Variants in SLC2A2 observed in about 807,000 individuals in gnomAD.
SLC2A2 encodes the protein solute carrier family 2, facilitated glucose transporter member 2.
A neutral mutation model predicts 54.5 loss-of-function variants in SLC2A2; 36 were observed. The observed-to-expected ratio is 0.66, with a 90% CI of 0.51 to 0.87. SLC2A2 has a LOEUF of 0.87. Among genes scored for constraint, SLC2A2 ranks in the 40% least tolerant of loss-of-function variants. The pLI is 0.00. For synonymous variants in SLC2A2, 223 were observed against 219.1 expected, an observed-to-expected ratio of 1.02 and a Z score of -0.16; for missense variants, 543 against 624.3, an observed-to-expected ratio of 0.87 and a Z score of 1.39.
chr3:171,017,295 C>A (rs1223231345), intron 2 of SLC2A2, among the ~76,000 whole-genome samples: 1 of 152,138 alleles, frequency 6.6e-6, no homozygotes, highest in African/African-American at 2.4e-5. Context: ...GTGTTGTCAT[C>A]ACCCACACAA....
chr3:171,021,629 C>T (rs193222096), intron 1 of SLC2A2, among the ~76,000 whole-genome samples: 2 of 152,294 alleles, frequency 1.3e-5, no homozygotes, highest in Admixed American at 1.3e-4. Flanking sequence ...TCTACAACAA[C>T]ATCTATAGAT....
intron 1 of SLC2A2, among the ~76,000 whole-genome samples, chr3:171,020,988 TG>T (rs1481220068): frequency 6.6e-6 from 1 of 151,584 alleles, no homozygotes; most frequent in Non-Finnish European, 1.5e-5. Context: ...TAACATTTTA[TG>T]TTTATTACAC....
chr3:171,004,081 T>C (rs954988351), intron 7 of SLC2A2, among the ~76,000 whole-genome samples: 2 of 152,024 alleles, frequency 1.3e-5, no homozygotes, highest in African/African-American at 4.8e-5. Flanking sequence ...CTATTGCTGG[T>C]ACCTCTTCCT....
chr3:171,001,727 ATTG>A (rs1267606060), intron 8 of SLC2A2, among the ~76,000 whole-genome samples: 6 of 151,654 alleles, frequency 4.0e-5, no homozygotes. Flanking sequence ...TTTTGTCTTT[ATTG>A]TTGTTTGTTT....
At chr3:171,002,387 G>T (rs777767695) in intron 8 of SLC2A2, among the ~76,000 whole-genome samples, 189 bp downstream of exon 8, 4 of 152,004 alleles carry the variant, frequency 2.6e-5, no homozygotes, top group African/African-American at 4.8e-5. Flanking sequence ...ATTCACCTCA[G>T]TTATGCCTAA....
At chr3:171,022,103 T>G (rs1200660546) in intron 1 of SLC2A2, among the ~76,000 whole-genome samples, 1 of 152,248 alleles carries the variant, frequency 6.6e-6, no homozygotes, top group Admixed American at 6.5e-5. Context: ...AGGACGATTA[T>G]TCTGTCTACC....
In SLC2A2 at chr3:171,006,232, G is replaced by T. The variant is rs199591242; in HGVS notation, c.613-127C>A. On this transcript the variant is annotated intron_variant, in intron 5 of 10. Coordinates refer to ENST00000314251, the MANE Select transcript of SLC2A2 (RefSeq NM_000340.2). The stretch of plus-strand genomic sequence containing the variant: ...TGACAACTTTGGTTCAAGTAAAAAC[G>T]GAAACTGTTACTATTGTATCTCACT... 3 of 744,330 alleles carry T rather than the reference G, an allele frequency of 4.0e-6. No individual in the cohort carries two copies. In the African/African-American group the frequency reaches 5.3e-5, roughly 13 times the overall value. The allele number at this position is 744,330 out of a possible 1,614,324, so 46.1% of individuals were successfully genotyped here. A position where few individuals can be genotyped will look rare whatever the true frequency, so the allele number is the denominator to read the frequency against.
rs5407 is a variant in SLC2A2 at position 170,999,175 on chromosome 3, A to G, written c.1069-9T>C. 3,716 of 1,555,948 alleles carry G rather than the reference A, an allele frequency of 2.4e-3. 77 individuals are homozygous for G. In the African/African-American group the frequency reaches 0.043, roughly 18 times the overall value. Reference sequence around the variant, plus strand: ...TTCTCCACAAGGAATACCTAGGACAATTTTAAAGAAATTATCTCAGTTTTG... The same window carrying G: ...TTCTCCACAAGGAATACCTAGGACAGTTTTAAAGAAATTATCTCAGTTTTG... On this transcript the variant is annotated splice_polypyrimidine_tract_variant and intron_variant, in intron 8 of 10. Transcript: ENST00000314251.
chr3:170,997,950 T>C lies in SLC2A2; in HGVS notation c.1528A>G (p.Lys510Glu). ...AGGAATTTCATTTCTACAGCAGCTT[T>C]TGGCCTGTGGGCTGAGCCACTCTTC... Reference protein sequence around the residue: ...QKKSGSAHRPKAAVEMKFLGA... With the variant: ...QKKSGSAHRPEAAVEMKFLGA... Residue 510 changes from lysine (K) to glutamate (E), a missense_variant, in exon 11 of 11, where the codon AAA (lysine) becomes GAA (glutamate). Lys to Glu is a moderately conservative substitution (Grantham distance 56, BLOSUM62 1). Transcript: ENST00000314251. The C allele has an allele frequency of 6.2e-7, 1 of 1,613,724 alleles. No homozygotes were observed. Among genetic ancestry groups the C allele is most frequent in the Non-Finnish European group, 8.5e-7 (1 of 1,179,770 alleles).
intron 4 of SLC2A2, among the ~76,000 whole-genome samples, chr3:171,009,710 G>C (rs1370833664): frequency 6.6e-6 from 1 of 152,012 alleles, no homozygotes; most frequent in Non-Finnish European, 1.5e-5. Context: ...TAATTTGTCT[G>C]TGATCATACA....
chr3:170,998,978 G>C (rs1715221000), intron 9 of SLC2A2, 87 bp downstream of exon 9: 1 of 838,364 alleles, frequency 1.2e-6, no homozygotes. Flanking sequence ...AAATATTTTT[G>C]AATACAAAGC....
intron 3 of SLC2A2, 133 bp downstream of exon 3, chr3:171,014,335 CT>C: frequency 2.2e-6 from 2 of 900,432 alleles, no homozygotes; most frequent in Non-Finnish European, 3.5e-6. Flanking sequence ...ACTGATATGC[CT>C]CATAGGGTCA....
At chr3:171,019,110 TATATATATATATAC>T (rs1363641798) in intron 1 of SLC2A2, among the ~76,000 whole-genome samples, 2 of 5,686 alleles carry the variant, frequency 3.5e-4, no homozygotes, top group African/African-American at 1.5e-3. Flanking sequence ...TATATATATA[TATATATATATATAC>T]GTATGTATAT....
At chr3:171,026,088 T>A (rs1422318396) in intron 1 of SLC2A2, among the ~76,000 whole-genome samples, 1 of 152,194 alleles carries the variant, frequency 6.6e-6, no homozygotes, top group Non-Finnish European at 1.5e-5. Context: ...TCCTCCTACA[T>A]AATTAGATAC....
rs368583315 is a variant in SLC2A2, at chr3:170,999,026, T to C, written c.1170+39A>G. On this transcript the variant is annotated intron_variant, in intron 9 of 10. Transcript: ENST00000314251. ...ACCACAGAGGTGCCAGGTACCATCA[T>C]ATGTTAATGAAAAACCTCAGTGCAG... The C allele has an allele frequency of 4.1e-5, 52 of 1,265,436 alleles. No individual in the cohort carries two copies. In the African/African-American group the frequency reaches 7.6e-4, roughly 19 times the overall value. 78.4% of individuals were successfully genotyped at this position (1,265,436 alleles called of 1,614,324 possible). A position where few individuals can be genotyped will look rare whatever the true frequency, so the allele number is the denominator to read the frequency against.
At position 171,007,166 on chromosome 3, in the gene SLC2A2, C is replaced by T. The variant is rs5404; in HGVS notation, c.594G>A (p.Thr198=). The change falls in exon 5 of 11, where the codon ACG becomes ACA. Residue 198 remains threonine, a synonymous_variant. Coordinates refer to ENST00000314251, the MANE Select transcript of SLC2A2 (RefSeq NM_000340.2). The stretch of plus-strand genomic sequence containing the variant: ...TTTTTACCTGACTAATAAGAATGCC[C>T]GTGACGATGGCCAGCTGATGAAAAG... ...LGTFHQLAIV[T]GILISQIIGL... 0.11 allele frequency: 173,036 copies of T among 1,608,914 alleles called. 11,275 individuals are homozygous for T. Among genetic ancestry groups the T allele is most frequent in the African/African-American group, 0.29 (21,850 of 74,658 alleles).
At chr3:171,002,519 T>A in intron 8 of SLC2A2, 57 bp downstream of exon 8, 95 of 992,908 alleles carry the variant, frequency 9.6e-5, no homozygotes, top group Non-Finnish European at 1.4e-4. Context: ...TCCCCACCCC[T>A]CCTGCAATTT....
In SLC2A2 at chr3:171,014,546, G is replaced by A; in HGVS notation, c.294C>T (p.Ser98=). ...CAACTGCAAAGCTGGATACAGACAG[G>A]GACCAGAGCATGGTGATTAGTTGAG... The part of the protein sequence containing the change: ...AAAQLITMLW[S]LSVSSFAVGG... Residue 98 remains serine (S), a synonymous_variant, in exon 3 of 11, where the codon TCC becomes TCT. Coordinates refer to ENST00000314251, the MANE Select transcript of SLC2A2 (RefSeq NM_000340.2). 1 of 1,614,084 alleles carries A rather than the reference G, an allele frequency of 6.2e-7. No individual in the cohort carries two copies. The highest frequency in any genetic ancestry group is 8.5e-7 in the Non-Finnish European group (1 of 1,179,990).
intron 1 of SLC2A2, among the ~76,000 whole-genome samples, chr3:171,018,998 C>T (rs1048449955): frequency 2.7e-5 from 4 of 150,928 alleles, no homozygotes; most frequent in African/African-American, 9.7e-5. Flanking sequence ...AAAAAATCCA[C>T]CCAAATAGTC....
Sources: allele counts gnomAD v4.1 joint callset (sites outside exome capture counted in the v4.1 genomes callset), GRCh38; gene constraint gnomAD v4.1.1; transcripts MANE v1.5; gene names NCBI Gene and HGNC (gene_info 2026-07-23, HGNC 2026-07-21).